The following NRG1 variants were observed in gnomAD, a reference collection of about 807,000 sequenced individuals.
The protein encoded by NRG1 is neuregulin 1.
NRG1 carries 18 observed loss-of-function variants against 63.8 expected under a neutral mutation model. The ratio of observed to expected loss-of-function variants is 0.28; its 90% CI spans 0.19 to 0.42. NRG1 has a LOEUF of 0.42. Among genes scored for constraint, NRG1 ranks in the 10% least tolerant of loss-of-function variants. The probability of loss-of-function intolerance (pLI) is 1.00; values close to 1 mark genes in which losing one functional copy is unlikely to be tolerated. For missense variants in NRG1, 762 were observed against 814.7 expected, an observed-to-expected ratio of 0.94 and a Z score of 0.79; for synonymous variants, 302 against 301.3, an observed-to-expected ratio of 1.00 and a Z score of -0.02.
intron 1 of NRG1, among the ~76,000 whole-genome samples, chr8:31,736,060 C>T (rs755871661): frequency 2.0e-5 from 3 of 152,146 alleles, no homozygotes; most frequent in Non-Finnish European, 4.4e-5. Context: ...CCTCCATGAA[C>T]TTCTGACCTC....
At chr8:32,675,014 A>T (rs1045325619) in intron 5 of NRG1, among the ~76,000 whole-genome samples, 1 of 152,162 alleles carries the variant, frequency 6.6e-6, no homozygotes, top group Admixed American at 6.6e-5. Flanking sequence ...AGTAAGCATG[A>T]CAGTTTCACC....
intron 5 of NRG1, among the ~76,000 whole-genome samples, chr8:32,721,238 G>A (rs1404693973): frequency 1.3e-5 from 2 of 152,116 alleles, no homozygotes; most frequent in Admixed American, 6.6e-5. Flanking sequence ...TTAAAATATA[G>A]GATAAACTAT....
chr8:32,760,397 A>G (rs780310542), exon 11 of NRG1: 3 of 1,613,824 alleles, frequency 1.9e-6, no homozygotes, highest in Admixed American at 1.7e-5. Flanking sequence ...GACTCTCCTC[A>G]TAGTGAAAGG....
rs577398757 is a variant in NRG1, at chr8:31,730,665, G to C, written c.37+91234G>C. Among the ~76,000 whole-genome samples the C allele has an allele frequency of 5.3e-5, 8 of 152,168 alleles. No homozygotes were observed. The South Asian group carries it at 1.7e-3, about 32-fold the overall frequency. Reference sequence around the variant, plus strand: ...AAAACAAAGTATTAGAAGAATATATGGAGCATTTTTATACTCTTGCAGTAG... The same window carrying C: ...AAAACAAAGTATTAGAAGAATATATCGAGCATTTTTATACTCTTGCAGTAG... On this transcript the variant is annotated intron_variant, in intron 1 of 10. Transcript: ENST00000519301.
At chr8:31,827,865 A>G (rs1824720811) in intron 1 of NRG1, among the ~76,000 whole-genome samples, 1 of 152,198 alleles carries the variant, frequency 6.6e-6, no homozygotes. Context: ...AGGCTGGTCT[A>G]CAATTTAGCA....
rs1042701243 is a variant in NRG1, at chr8:32,170,445, C to T, written c.38-425383C>T. Among the ~76,000 whole-genome samples the T allele has an allele frequency of 3.9e-5, 6 of 152,208 alleles. No individual in the cohort carries two copies. The East Asian group carries it at 9.7e-4, about 25-fold the overall frequency. Reference sequence around the variant, plus strand: ...CGTCTTAGCAGGTGAAATGCAGCAGCGAAGACCAGGTGCCTGTATTGTTGC... The same window carrying T: ...CGTCTTAGCAGGTGAAATGCAGCAGTGAAGACCAGGTGCCTGTATTGTTGC... On this transcript the variant is annotated intron_variant, in intron 1 of 10. Coordinates refer to the NRG1 transcript ENST00000519301.
intron 1 of NRG1, among the ~76,000 whole-genome samples, chr8:32,045,087 C>G (rs1373825429): frequency 6.6e-6 from 1 of 151,524 alleles, no homozygotes; most frequent in African/African-American, 2.4e-5. Flanking sequence ...CTGACAGGAA[C>G]AAAGATAAAA....
intron 1 of NRG1, among the ~76,000 whole-genome samples, chr8:32,274,142 C>A (rs1238419011): frequency 1.3e-5 from 2 of 152,184 alleles, no homozygotes; most frequent in Admixed American, 1.3e-4. Context: ...TTGTAATCAT[C>A]TTTGGTGCTT....
At chr8:32,173,111 G>C (rs62497566) in intron 1 of NRG1, among the ~76,000 whole-genome samples, 1 of 151,682 alleles carries the variant, frequency 6.6e-6, no homozygotes, top group African/African-American at 2.4e-5. Flanking sequence ...TACCCACAAA[G>C]GGAAGCCCAT....
At chr8:31,689,002 C>G (rs1809201417) in intron 1 of NRG1, among the ~76,000 whole-genome samples, 1 of 152,148 alleles carries the variant, frequency 6.6e-6, no homozygotes, top group South Asian at 2.1e-4. Flanking sequence ...GCCTTCATTC[C>G]TTGACTTGTG....
chr8:32,581,731 A>G (rs1166855406), intron 1 of NRG1, among the ~76,000 whole-genome samples: 1 of 152,250 alleles, frequency 6.6e-6, no homozygotes, highest in East Asian at 1.9e-4. Context: ...GAGTTTTAGA[A>G]GAAATAATTT....
chr8:32,561,889 C>A (rs1229342097), intron 1 of NRG1, among the ~76,000 whole-genome samples: 2 of 152,000 alleles, frequency 1.3e-5, no homozygotes, highest in African/African-American at 4.8e-5. Flanking sequence ...GGAATGAGAC[C>A]TGCAGTTATT....
intron 1 of NRG1, among the ~76,000 whole-genome samples, chr8:32,106,391 C>T (rs1831265251): frequency 6.6e-6 from 1 of 152,156 alleles, no homozygotes; most frequent in Non-Finnish European, 1.5e-5. Context: ...ACTCTGTGCA[C>T]ATAGGCACAT....
chr8:32,515,369 T>C (rs1465351460), intron 1 of NRG1, among the ~76,000 whole-genome samples: 1 of 152,082 alleles, frequency 6.6e-6, no homozygotes, highest in African/African-American at 2.4e-5. Context: ...ATGTTGAGAA[T>C]TTTTTTCATA....
Position 32,713,639 on chromosome 8 carries a change from T to A in NRG1, c.503-14310T>A, listed in dbSNP as rs147563678. 1.1e-3 allele frequency among the ~76,000 whole-genome samples: 171 copies of A among 149,588 alleles called. 5 individuals are homozygous for A. The East Asian group carries it at 0.028, about 25-fold the overall frequency. ...AAAAAAAAAAATGTGTGGCCAGAGT[T>A]TTCTGTTTTCTGTAGATATTGCTGT... On this transcript the variant is annotated intron_variant, in intron 5 of 11. Coordinates refer to ENST00000356819, the Ensembl canonical transcript of NRG1.
upstream of NRG1, among the ~76,000 whole-genome samples, chr8:32,545,433 T>G: frequency 6.6e-6 from 1 of 152,266 alleles, no homozygotes; most frequent in East Asian, 1.9e-4. Flanking sequence ...TTAATAAAAT[T>G]AAACCATTAA....
At chr8:32,092,934 G>A (rs1056509771) in intron 1 of NRG1, among the ~76,000 whole-genome samples, 2 of 152,168 alleles carry the variant, frequency 1.3e-5, no homozygotes, top group Non-Finnish European at 2.9e-5. Context: ...CAATGACCAA[G>A]GAGATGAAGG....
intron 5 of NRG1, among the ~76,000 whole-genome samples, chr8:32,627,097 G>C (rs1189475482): frequency 6.6e-6 from 1 of 151,798 alleles, no homozygotes; most frequent in East Asian, 1.9e-4. Context: ...ACTGTTGTCT[G>C]TCTCCTAAAA....
intron 1 of NRG1, among the ~76,000 whole-genome samples, chr8:32,508,980 C>A (rs544893439): frequency 6.6e-6 from 1 of 152,198 alleles, no homozygotes; most frequent in African/African-American, 2.4e-5. Flanking sequence ...AACGATTTAC[C>A]CACTTCAGCC....
Sources: allele counts gnomAD v4.1 joint callset (sites outside exome capture counted in the v4.1 genomes callset), GRCh38; gene constraint gnomAD v4.1.1; transcripts MANE v1.5; gene names NCBI Gene and HGNC (gene_info 2026-07-23, HGNC 2026-07-21).